GRIN2B: variants seen among roughly 807,000 people sequenced by gnomAD.
GRIN2B encodes the protein glutamate ionotropic receptor NMDA type subunit 2B, also known as glutamate receptor ionotropic, NMDA 2B.
A neutral mutation model predicts 114.5 loss-of-function variants in GRIN2B; 5 were observed. The observed-to-expected ratio is 0.04, with a 90% CI of 0.02 to 0.09. GRIN2B has a LOEUF of 0.09. Ranked by LOEUF, GRIN2B falls within the 10% of genes least tolerant of loss-of-function variation. The pLI is 1.00. For synonymous variants in GRIN2B, 787 were observed against 745.1 expected (o/e 1.06, Z -0.92); for missense variants, 1,108 against 1,943.5 (o/e 0.57, Z 8.08).
intron 3 of GRIN2B, among the ~76,000 whole-genome samples, chr12:13,850,121 T>C (rs1865534333): frequency 6.6e-6 from 1 of 152,150 alleles, no homozygotes. Flanking sequence ...AAGATTTTGG[T>C]CTGTGGTAAC....
intron 4 of GRIN2B, among the ~76,000 whole-genome samples, chr12:13,686,588 G>A (rs1026343909): frequency 6.6e-6 from 1 of 152,022 alleles, no homozygotes; most frequent in Admixed American, 6.6e-5. Flanking sequence ...ATCACAAAGA[G>A]ATTTTTCAAC....
chr12:13,912,967 G>A (rs1233874711), intron 2 of GRIN2B, among the ~76,000 whole-genome samples: 2 of 152,112 alleles, frequency 1.3e-5, no homozygotes, highest in South Asian at 2.1e-4. Context: ...CCATACCTCA[G>A]TGGGTTTGGT....
intron 3 of GRIN2B, among the ~76,000 whole-genome samples, chr12:13,758,998 A>AGTTTTTTTTTTTTTTTT (rs771891565): frequency 1.2e-5 from 1 of 85,600 alleles, no homozygotes. Flanking sequence ...ATCTAGTTCA[A>AGTTTTTTTTTTTTTTTT]TTTTTTTTTT....
At chr12:13,773,322 T>C (rs767989010) in intron 3 of GRIN2B, among the ~76,000 whole-genome samples, 1 of 152,206 alleles carries the variant, frequency 6.6e-6, no homozygotes, top group Non-Finnish European at 1.5e-5. Context: ...CAATATTGAA[T>C]GTTTATGTAC....
intron 10 of GRIN2B, among the ~76,000 whole-genome samples, chr12:13,604,342 C>T (rs1001831899): frequency 6.6e-6 from 1 of 152,266 alleles, no homozygotes; most frequent in Middle Eastern, 3.4e-3. Flanking sequence ...ATTTAACTCT[C>T]GTTTTCTACC....
chr12:13,797,649 A>T (rs1217957428), intron 3 of GRIN2B, among the ~76,000 whole-genome samples: 2 of 152,238 alleles, frequency 1.3e-5, no homozygotes, highest in African/African-American at 4.8e-5. Context: ...CCATTTCCTT[A>T]TAGGATTAAA....
chr12:13,972,769 A>G (rs1639747038), intron 2 of GRIN2B, among the ~76,000 whole-genome samples: 1 of 152,232 alleles, frequency 6.6e-6, no homozygotes, highest in South Asian at 2.1e-4. Flanking sequence ...GACTGTCAGC[A>G]TTATTGTTCT....
At chr12:13,887,093 A>G (rs1866174503) in intron 2 of GRIN2B, among the ~76,000 whole-genome samples, 1 of 152,196 alleles carries the variant, frequency 6.6e-6, no homozygotes, top group African/African-American at 2.4e-5. Context: ...TCACTACCCT[A>G]TATATCCTCT....
intron 2 of GRIN2B, among the ~76,000 whole-genome samples, chr12:13,899,735 T>A (rs894863017): frequency 1.4e-5 from 2 of 144,118 alleles, no homozygotes; most frequent in African/African-American, 4.9e-5. Context: ...GTTGGAAACT[T>A]TTCTTATTTT....
chr12:13,587,402 G>A (rs934183220), intron 10 of GRIN2B, among the ~76,000 whole-genome samples: 1 of 149,140 alleles, frequency 6.7e-6, no homozygotes, highest in African/African-American at 2.5e-5. Flanking sequence ...CTGTTGCCCA[G>A]GCTGGAGTGC....
At chr12:13,600,401 C>T (rs932849994) in intron 10 of GRIN2B, among the ~76,000 whole-genome samples, 1 of 152,130 alleles carries the variant, frequency 6.6e-6, no homozygotes, top group South Asian at 2.1e-4. Context: ...ACATGGGAAA[C>T]CTGTGTTCCT....
At chr12:13,865,701 C>G in intron 3 of GRIN2B, 97 bp downstream of exon 3, 2 of 1,010,476 alleles carry the variant, frequency 2.0e-6, no homozygotes, top group Non-Finnish European at 3.1e-6. Context: ...ATCTGGTTAC[C>G]TTCCATCATT....
At chr12:13,729,092 CAGAGTT>C (rs1321206816) in intron 4 of GRIN2B, among the ~76,000 whole-genome samples, 3 of 152,190 alleles carry the variant, frequency 2.0e-5, no homozygotes, top group Non-Finnish European at 4.4e-5. Flanking sequence ...AAGTCAGAGA[CAGAGTT>C]AAAGTCTAAG....
chr12:13,615,709 G>A lies in GRIN2B; in HGVS notation c.1329-45C>T. Reference sequence around the variant, plus strand: ...AAAACAAACAAACAAAAAAGTCTTTGTACAAAAAGCCAACATTTATTACCC... The same window carrying A: ...AAAACAAACAAACAAAAAAGTCTTTATACAAAAAGCCAACATTTATTACCC... On this transcript the variant is annotated intron_variant, in intron 6 of 13. Transcript: ENST00000609686. The surrounding 1 kb of genome is among the most constrained non-coding windows in gnomAD (Gnocchi z 5.8). 6.4e-7 allele frequency: 1 copy of A among 1,561,754 alleles called. No individual in the cohort carries two copies. The highest frequency in any genetic ancestry group is 8.8e-7 in the Non-Finnish European group (1 of 1,132,678).
chr12:13,825,211 T>C (rs148402197), intron 3 of GRIN2B, among the ~76,000 whole-genome samples: 1 of 152,054 alleles, frequency 6.6e-6, no homozygotes, highest in African/African-American at 2.4e-5. Flanking sequence ...TAATGTTTAA[T>C]TTCCAAAATT....
At chr12:13,914,588 G>A (rs999376586) in intron 2 of GRIN2B, among the ~76,000 whole-genome samples, 1 of 152,046 alleles carries the variant, frequency 6.6e-6, no homozygotes, top group Non-Finnish European at 1.5e-5. Flanking sequence ...CCCAAAGAAA[G>A]GAAATCAACA....
chr12:13,964,200 G>A (rs1028185965), intron 2 of GRIN2B, among the ~76,000 whole-genome samples: 2 of 152,074 alleles, frequency 1.3e-5, no homozygotes, highest in Non-Finnish European at 1.5e-5. Context: ...CCTATCCCTG[G>A]GCGGTCACGT....
In GRIN2B at chr12:13,616,562, G is replaced by T; in HGVS notation, c.1221C>A (p.Ser407Arg). ...ATGGTGCCTCCTCCAGGGTCACAAT[G>T]CTCAGATGGTCATCCTCCTGCTCTT... The part of the protein sequence containing the change: ...ETEEQEDDHL[S>R]IVTLEEAPFV... The change falls in exon 6 of 14, where the codon AGC (serine) becomes AGA (arginine). Residue 407 changes from serine (S) to arginine (R), a missense_variant. Physicochemically the swap from Ser to Arg is moderately radical, Grantham distance 110 (BLOSUM62 -1). Around this residue, in one of 19 missense-constraint regions of GRIN2B, gnomAD observed 7 missense variants for 39.9 expected, o/e 0.18. Transcript: ENST00000609686. 1 of 1,613,622 alleles carries T rather than the reference G, an allele frequency of 6.2e-7. No homozygotes were observed. The highest frequency in any genetic ancestry group is 8.5e-7 in the Non-Finnish European group (1 of 1,179,538).
intron 10 of GRIN2B, among the ~76,000 whole-genome samples, chr12:13,603,214 T>G (rs1437087910): frequency 3.9e-5 from 6 of 152,248 alleles, no homozygotes; most frequent in Admixed American, 1.3e-4. Flanking sequence ...TCTAAAAGGC[T>G]TATTAAATAA....
Sources: allele counts gnomAD v4.1 joint callset (sites outside exome capture counted in the v4.1 genomes callset), GRCh38; gene constraint gnomAD v4.1.1; regional missense constraint gnomAD v4.1.1; non-coding constraint Gnocchi (gnomAD v3.1); transcripts MANE v1.5; gene names NCBI Gene and HGNC (gene_info 2026-07-23, HGNC 2026-07-21).